ADGRD1: variants seen among roughly 807,000 people sequenced by gnomAD.
ADGRD1 encodes adhesion G protein-coupled receptor D1.
Under a neutral mutation model 113.4 loss-of-function variants are expected in ADGRD1, and 77 were observed. The ratio of observed to expected loss-of-function variants is 0.68; its 90% CI spans 0.57 to 0.82. The LOEUF (loss-of-function observed/expected upper bound fraction) is 0.82. Ranked by LOEUF, ADGRD1 falls within the 40% of genes least tolerant of loss-of-function variation. The pLI, the probability that ADGRD1 is intolerant of heterozygous loss-of-function variation, is 0.00. For synonymous variants in ADGRD1, 474 were observed against 475.0 expected (o/e 1.00, Z 0.03); for missense variants, 1,036 against 1,139.1 (o/e 0.91, Z 1.30).
intron 15 of ADGRD1, among the ~76,000 whole-genome samples, chr12:131,103,504 G>A (rs1216886987): frequency 1.3e-5 from 2 of 152,252 alleles, no homozygotes; most frequent in African/African-American, 4.8e-5. Context: ...AGTTGAAGGC[G>A]GTGCTTGCTG....
chr12:131,108,242 G>T (rs891878689), intron 17 of ADGRD1, among the ~76,000 whole-genome samples: 5 of 152,196 alleles, frequency 3.3e-5, no homozygotes, highest in African/African-American at 4.8e-5. Flanking sequence ...GTTAGAACTA[G>T]AAGTCCCAGC....
At chr12:131,087,802 C>T (rs1886594596) in intron 15 of ADGRD1, among the ~76,000 whole-genome samples, 1 of 152,232 alleles carries the variant, frequency 6.6e-6, no homozygotes, top group Non-Finnish European at 1.5e-5. Flanking sequence ...GAGGTGGGCC[C>T]TTCGCGGCTG....
chr12:131,005,828 GC>G, intron 11 of ADGRD1, 143 bp from the exon 12 acceptor site: 1 of 672,440 alleles, frequency 1.5e-6, no homozygotes, highest in Non-Finnish European at 2.7e-6. Flanking sequence ...TGCAAATTCT[GC>G]CCGAGTGTCC....
At position 131,084,601 on chromosome 12, in the gene ADGRD1, TCC is replaced by T; in HGVS notation, c.1610_1611del (p.Ser537CysfsTer85). On this transcript the variant is annotated frameshift_variant, in exon 15 of 25. Transcript: ENST00000261654. LOFTEE classifies it high-confidence loss of function. The surrounding 1 kb of genome is among the most constrained non-coding windows in gnomAD (Gnocchi z 4.5). ...CALTRGNLTY[S>X]VCRCTHLTNF... ...GCTCACGAGAGGAAACCTCACCTAC[TCC>T]GTCTGCCGCTGCACTCACCTCACCA... The T allele has an allele frequency of 6.2e-7, 1 of 1,614,056 alleles. No homozygotes were observed. Among genetic ancestry groups the T allele is most frequent in the South Asian group, 1.1e-5 (1 of 91,074 alleles).
chr12:131,065,912 C>T (rs530253560), intron 13 of ADGRD1, among the ~76,000 whole-genome samples: 26 of 152,304 alleles, frequency 1.7e-4, no homozygotes, highest in African/African-American at 6.0e-4. Flanking sequence ...GAGGAAGAGA[C>T]CTGGCTCAGC....
chr12:131,041,004 G>GC lies in ADGRD1; in HGVS notation c.1473+26671dup, dbSNP rs1048857008. On this transcript the variant is annotated intron_variant, in intron 13 of 24. Coordinates refer to ENST00000261654, the MANE Select transcript of ADGRD1 (RefSeq NM_198827.5). This position sits in a 1 kb window ranked among gnomAD's most constrained non-coding sequence, Gnocchi z 4.4. ...GGCAGGACAGTGGGGCTGAATGGTGGCCCCCCCGGAGTTTGCCATCATCCC... is the reference window on the plus strand; with the variant it reads ...GGCAGGACAGTGGGGCTGAATGGTGGCCCCCCCCGGAGTTTGCCATCATCCC... 1.3e-5 allele frequency among the ~76,000 whole-genome samples: 2 copies of GC among 152,230 alleles called. No homozygotes were observed. The highest frequency in any genetic ancestry group is 1.9e-4 in the East Asian group (1 of 5,182).
Position 130,981,890 on chromosome 12 carries a change from C to T in ADGRD1, c.317C>T (p.Thr106Met), listed in dbSNP as rs753472563. The T allele has an allele frequency of 8.1e-6, 13 of 1,610,402 alleles. No homozygotes were observed. Among genetic ancestry groups the T allele is most frequent in the East Asian group, 2.2e-5 (1 of 44,826 alleles). The change falls in exon 5 of 25, where the codon ACG becomes ATG. Residue 106 changes from threonine to methionine, a missense_variant. Transcript: ENST00000261654. ...ATCTTGTGACTTTCCTCAGGGGTCA[C>T]GTTTTCTTTTTTCTGGAAGACACAA... Reference protein sequence around the residue: ...KPEQCGPEGVTFSFFWKTQGE... With the variant: ...KPEQCGPEGVMFSFFWKTQGE...
intron 13 of ADGRD1, among the ~76,000 whole-genome samples, chr12:131,067,690 C>T (rs111422001): frequency 9.8e-6 from 1 of 102,016 alleles, no homozygotes; most frequent in African/African-American, 4.0e-5. Flanking sequence ...TGCCCCTGAT[C>T]CTTCTTCTGA....
At chr12:130,964,634 G>A (rs1452866274) in intron 2 of ADGRD1, among the ~76,000 whole-genome samples, 2 of 152,122 alleles carry the variant, frequency 1.3e-5, no homozygotes, top group East Asian at 1.9e-4. Flanking sequence ...GCAGTGAGCC[G>A]AGATCGCGCC....
At chr12:131,116,419 C>T (rs377474827) in intron 18 of ADGRD1, among the ~76,000 whole-genome samples, 1 of 143,518 alleles carries the variant, frequency 7.0e-6, no homozygotes, top group South Asian at 2.1e-4. Flanking sequence ...ATTTCAGAGA[C>T]AAGACTGTCC....
At chr12:131,010,639 G>A (rs576962300) in intron 12 of ADGRD1, among the ~76,000 whole-genome samples, 19 of 152,332 alleles carry the variant, frequency 1.2e-4, no homozygotes, top group Non-Finnish European at 2.4e-4. Context: ...TGGCTCAGAT[G>A]TGCTGCGTGG....
chr12:131,107,534 C>G (rs1950262100), intron 17 of ADGRD1, among the ~76,000 whole-genome samples: 1 of 150,000 alleles, frequency 6.7e-6, no homozygotes, highest in Non-Finnish European at 1.5e-5. Context: ...GGGTCCCGCT[C>G]TCCCAGAGAC....
intron 10 of ADGRD1, 43 bp from the exon 11 acceptor site, chr12:131,004,143 G>T: frequency 7.9e-7 from 1 of 1,258,168 alleles, no homozygotes; most frequent in Non-Finnish European, 1.2e-6. Context: ...TGCAGCCTGT[G>T]AGCTCTGACG....
At chr12:131,007,976 C>T (rs757763244) in intron 12 of ADGRD1, among the ~76,000 whole-genome samples, 2 of 152,160 alleles carry the variant, frequency 1.3e-5, no homozygotes, top group African/African-American at 2.4e-5. Context: ...AAGAGGTGGA[C>T]GGAAGTGGAG....
chr12:130,957,532 C>T (rs1246168904), intron 2 of ADGRD1: 1 of 152,402 alleles, frequency 6.6e-6, no homozygotes, highest in Non-Finnish European at 1.5e-5. Flanking sequence ...CATCCACACA[C>T]ATGTACACCT....
chr12:131,004,023 C>CT (rs56871865), intron 10 of ADGRD1, among the ~76,000 whole-genome samples, 163 bp from the exon 11 acceptor site: 39,962 of 138,782 alleles, frequency 0.29, 5,822 homozygotes, highest in Non-Finnish European at 0.33. Flanking sequence ...TTGCTTTACC[C>CT]TTTTTTTTTT....
rs1008424489 is a variant in ADGRD1, at chr12:131,087,161, C to T, written c.1671+2498C>T. On this transcript the variant is annotated intron_variant, in intron 15 of 24. Transcript: ENST00000261654. The stretch of plus-strand genomic sequence containing the variant: ...CTTCAAGCAATCCTCCCACCTTAGC[C>T]TACAAAGTGCTGGGATTACAGGTGT... Among the ~76,000 whole-genome samples, 8 of 152,324 alleles carry T rather than the reference C, an allele frequency of 5.3e-5. 1 individual carries two copies. In the East Asian group the frequency reaches 1.2e-3, roughly 22 times the overall value.
chr12:131,089,315 G>T (rs1886738297), intron 15 of ADGRD1, among the ~76,000 whole-genome samples: 1 of 152,208 alleles, frequency 6.6e-6, no homozygotes, highest in South Asian at 2.1e-4. Context: ...AGTGGGCGGG[G>T]CTTCTGGACA....
intron 13 of ADGRD1, among the ~76,000 whole-genome samples, chr12:131,065,020 C>T (rs1184887307): frequency 6.6e-6 from 1 of 152,218 alleles, no homozygotes; most frequent in Non-Finnish European, 1.5e-5. Flanking sequence ...TCATCAGATT[C>T]TCCCTCTCCT....
Sources: allele counts gnomAD v4.1 joint callset (sites outside exome capture counted in the v4.1 genomes callset), GRCh38; gene constraint gnomAD v4.1.1; non-coding constraint Gnocchi (gnomAD v3.1); transcripts MANE v1.5; gene names NCBI Gene and HGNC (gene_info 2026-07-23, HGNC 2026-07-21).